Variants in IL2RA observed in about 807,000 individuals in gnomAD.
IL2RA encodes interleukin 2 receptor subunit alpha.
IL2RA carries 24 observed loss-of-function variants against 37.8 expected under a neutral mutation model. The ratio of observed to expected loss-of-function variants is 0.63; its 90% CI spans 0.46 to 0.89. The LOEUF (loss-of-function observed/expected upper bound fraction) is 0.89. Ranked by LOEUF, IL2RA falls within the 40% of genes least tolerant of loss-of-function variation. The pLI is 0.00. For missense variants in IL2RA, 319 were observed against 348.6 expected, an observed-to-expected ratio of 0.92 and a Z score of 0.68; for synonymous variants, 125 against 114.6, an observed-to-expected ratio of 1.09 and a Z score of -0.58.
rs1177642068 is a variant in IL2RA at position 6,056,878 on chromosome 10, T to C, written c.64+5210A>G. ...GGACATTGTTTGAGGGGAAAATTCC[T>C]ACACAAGCAAACAAACAGCAGAGGA... On this transcript the variant is annotated intron_variant, in intron 1 of 7. Transcript: ENST00000379959. This position sits in a 1 kb window ranked among gnomAD's most constrained non-coding sequence, Gnocchi z 5.0. Among the ~76,000 whole-genome samples the C allele has an allele frequency of 6.6e-6, 1 of 152,152 alleles. No homozygotes were observed. Among genetic ancestry groups the C allele is most frequent in the African/African-American group, 2.4e-5 (1 of 41,436 alleles).
In IL2RA at chr10:6,047,137, C is replaced by G. The variant is rs149273406; in HGVS notation, c.64+14951G>C. Among the ~76,000 whole-genome samples the G allele has an allele frequency of 6.6e-6, 1 of 152,180 alleles. No individual in the cohort carries two copies. The highest frequency in any genetic ancestry group is 1.5e-5 in the Non-Finnish European group (1 of 68,032). ...GACCCTCAAATCCCTGCATGCCCTG[C>G]GCATGCCCTAACCCTGAGGAGGTGC... On this transcript the variant is annotated intron_variant, in intron 1 of 7. Transcript: ENST00000379959. This position sits in a 1 kb window ranked among gnomAD's most constrained non-coding sequence, Gnocchi z 5.0.
chr10:6,034,270 C>T (rs1287534198), intron 1 of IL2RA, among the ~76,000 whole-genome samples: 1 of 152,188 alleles, frequency 6.6e-6, no homozygotes, highest in Non-Finnish European at 1.5e-5. Flanking sequence ...GATCTTGACA[C>T]CTCCAGGTCT....
intron 7 of IL2RA, among the ~76,000 whole-genome samples, chr10:6,016,291 C>T (rs1339563706): frequency 2.6e-5 from 4 of 152,224 alleles, no homozygotes; most frequent in Non-Finnish European, 4.4e-5. Context: ...GCCCTTGATA[C>T]ATGGGGGCCC....
chr10:6,013,464 C>T (rs1292357392), intron 7 of IL2RA, among the ~76,000 whole-genome samples: 1 of 152,164 alleles, frequency 6.6e-6, no homozygotes, highest in African/African-American at 2.4e-5. Flanking sequence ...TTATTTGGCT[C>T]ATGGGAATTT....
chr10:6,020,906 C>T lies in IL2RA; in HGVS notation c.583+572G>A, dbSNP rs1409850936. The stretch of plus-strand genomic sequence containing the variant: ...GGAAGACAGCAGGAGACCTCGACAT[C>T]GGTGGGCTGAGCATTTGCATGAGTA... On this transcript the variant is annotated intron_variant, in intron 4 of 7. Transcript: ENST00000379959. The surrounding 1 kb of genome is among the most constrained non-coding windows in gnomAD (Gnocchi z 5.6). Among the ~76,000 whole-genome samples, 8 of 150,722 alleles carry T rather than the reference C, an allele frequency of 5.3e-5. No individual in the cohort carries two copies. Among genetic ancestry groups the T allele is most frequent in the East Asian group, 2.0e-4 (1 of 5,076 alleles).
Position 6,020,103 on chromosome 10 carries a change from A to T in IL2RA, c.584-162T>A, listed in dbSNP as rs1423736172. On this transcript the variant is annotated intron_variant, in intron 4 of 7. Coordinates refer to ENST00000379959, the MANE Select transcript of IL2RA (RefSeq NM_000417.3). This position sits in a 1 kb window ranked among gnomAD's most constrained non-coding sequence, Gnocchi z 5.6. Reference sequence around the variant, plus strand: ...ATGCCACCCCTCATGGTTCCACAGCAGGGGCACTGGGAAGCGGTGAAGTGG... The same window carrying T: ...ATGCCACCCCTCATGGTTCCACAGCTGGGGCACTGGGAAGCGGTGAAGTGG... 1.3e-5 allele frequency among the ~76,000 whole-genome samples: 2 copies of T among 152,160 alleles called. No individual in the cohort carries two copies. Among genetic ancestry groups the T allele is most frequent in the Non-Finnish European group, 2.9e-5 (2 of 68,018 alleles).
At position 6,014,077 on chromosome 10, in the gene IL2RA, C is replaced by T. The variant is rs960463879; in HGVS notation, c.795-1181G>A. Among the ~76,000 whole-genome samples the T allele has an allele frequency of 3.3e-5, 5 of 152,082 alleles. No homozygotes were observed. The highest frequency in any genetic ancestry group is 1.2e-4 in the African/African-American group (5 of 41,412). ...CAAGCGAGCCTCTCACCTTAGTCTC[C>T]CGAAGTGCAGGAATTACAGGCAGGA... On this transcript the variant is annotated intron_variant, in intron 7 of 7. Transcript: ENST00000379959. The surrounding 1 kb of genome is among the most constrained non-coding windows in gnomAD (Gnocchi z 4.4).
chr10:6,017,512 G>A (rs12722590), intron 7 of IL2RA, among the ~76,000 whole-genome samples: 3,755 of 151,584 alleles, frequency 0.025, 61 homozygotes, highest in Non-Finnish European at 0.038. Flanking sequence ...CAAGCCTGGT[G>A]TATAGTGGGT....
Position 6,046,305 on chromosome 10 carries a change from C to A in IL2RA, c.64+15783G>T, listed in dbSNP as rs376917922. 6.6e-6 allele frequency among the ~76,000 whole-genome samples: 1 copy of A among 152,192 alleles called. No individual in the cohort carries two copies. Among genetic ancestry groups the A allele is most frequent in the Non-Finnish European group, 1.5e-5 (1 of 68,048 alleles). On this transcript the variant is annotated intron_variant, in intron 1 of 7. Transcript: ENST00000379959. The surrounding 1 kb of genome is among the most constrained non-coding windows in gnomAD (Gnocchi z 4.8). ...GAGCACTGATTGAGGTTCTGGGGTC[C>A]TGGCGCTTTCAGATACTACCATGAT...
At chr10:6,040,353 T>C (rs1286388167) in intron 1 of IL2RA, among the ~76,000 whole-genome samples, 1 of 152,184 alleles carries the variant, frequency 6.6e-6, no homozygotes, top group African/African-American at 2.4e-5. Context: ...ATTCGGTTGT[T>C]TCCTGTCACC....
chr10:6,045,035 A>G (rs181688414), intron 1 of IL2RA, among the ~76,000 whole-genome samples: 1 of 152,366 alleles, frequency 6.6e-6, no homozygotes, highest in East Asian at 1.9e-4. Flanking sequence ...TGCTGTCATC[A>G]AAGAAAAGTT....
chr10:6,022,225 C>T lies in IL2RA; in HGVS notation c.368-532G>A, dbSNP rs1839400087. 6.6e-6 allele frequency among the ~76,000 whole-genome samples: 1 copy of T among 152,078 alleles called. No homozygotes were observed. The highest frequency in any genetic ancestry group is 2.4e-5 in the African/African-American group (1 of 41,372). On this transcript the variant is annotated intron_variant, in intron 3 of 7. Coordinates refer to ENST00000379959, the MANE Select transcript of IL2RA (RefSeq NM_000417.3). The surrounding 1 kb of genome is among the most constrained non-coding windows in gnomAD (Gnocchi z 4.7). ...GGGATGATGTCGGAAGGATTGGGGA[C>T]AACACCAAAGCCAGGAGGAGGGACG...
In IL2RA at chr10:6,012,680, A is replaced by G; in HGVS notation, c.*192T>C. 1 of 665,994 alleles carries G rather than the reference A, an allele frequency of 1.5e-6. No individual in the cohort carries two copies. The highest frequency in any genetic ancestry group is 2.7e-6 in the Non-Finnish European group (1 of 364,340). The allele number at this position is 665,994 out of a possible 1,614,324, so 41.3% of individuals were successfully genotyped here. On this transcript the variant is annotated 3_prime_UTR_variant, in exon 8 of 8. Transcript: ENST00000379959. The surrounding 1 kb of genome is among the most constrained non-coding windows in gnomAD (Gnocchi z 4.8). ...TGGGTAGCGCTCGCTCTCTGATGGGACTGAGCTGGCATAGAGACAAGGTTG... is the reference window on the plus strand; with the variant it reads ...TGGGTAGCGCTCGCTCTCTGATGGGGCTGAGCTGGCATAGAGACAAGGTTG...
Position 6,062,240 on chromosome 10 carries a change from G to C in IL2RA, c.-89C>G, listed in dbSNP as rs74162091. ...TTGCCGTCAGCCTCTTTTTGGCATC[G>C]CGCCGGAGGATGTGGGATGGGAAGA... On this transcript the variant is annotated 5_prime_UTR_variant, in exon 1 of 8. Transcript: ENST00000379959. 3.5e-6 allele frequency: 4 copies of C among 1,128,800 alleles called. No homozygotes were observed. Among genetic ancestry groups the C allele is most frequent in the Non-Finnish European group, 2.7e-6 (2 of 744,160 alleles). 69.9% of individuals were successfully genotyped at this position (1,128,800 alleles called of 1,614,324 possible). A position where few individuals can be genotyped will look rare whatever the true frequency, so the allele number is the denominator to read the frequency against.
rs535827454 is a variant in IL2RA, at chr10:6,044,483, C to T, written c.64+17605G>A. 7.9e-5 allele frequency among the ~76,000 whole-genome samples: 12 copies of T among 152,232 alleles called. No individual in the cohort carries two copies. The highest frequency in any genetic ancestry group is 1.9e-4 in the East Asian group (1 of 5,186). ...AAGGGGTAGTAACTTTTGGGTCATCCGGTCACTGCTATGGAAAGGAGCAGG... is the reference window on the plus strand; with the variant it reads ...AAGGGGTAGTAACTTTTGGGTCATCTGGTCACTGCTATGGAAAGGAGCAGG... On this transcript the variant is annotated intron_variant, in intron 1 of 7. Transcript: ENST00000379959. The surrounding 1 kb of genome is among the most constrained non-coding windows in gnomAD (Gnocchi z 4.5).
At chr10:6,027,582 G>C (rs1407464660) in intron 1 of IL2RA, among the ~76,000 whole-genome samples, 1 of 152,174 alleles carries the variant, frequency 6.6e-6, no homozygotes, top group Non-Finnish European at 1.5e-5. Flanking sequence ...ACTTCTCTAA[G>C]GCTCAGCTTC....
In IL2RA at chr10:6,015,844, G is replaced by A. The variant is rs1253581053; in HGVS notation, c.794+2209C>T. ...GGCTTTAAAACGTACGACTATCCCA[G>A]ACATAAAAGGCCACGTGATTCCATT... On this transcript the variant is annotated intron_variant, in intron 7 of 7. Transcript: ENST00000379959. The surrounding 1 kb of genome is among the most constrained non-coding windows in gnomAD (Gnocchi z 4.9). Among the ~76,000 whole-genome samples the A allele has an allele frequency of 6.6e-6, 1 of 152,092 alleles. No individual in the cohort carries two copies. Among genetic ancestry groups the A allele is most frequent in the Non-Finnish European group, 1.5e-5 (1 of 68,012 alleles).
At position 6,015,173 on chromosome 10, in the gene IL2RA, G is replaced by A. The variant is rs1343696880; in HGVS notation, c.795-2277C>T. On this transcript the variant is annotated intron_variant, in intron 7 of 7. Transcript: ENST00000379959. The surrounding 1 kb of genome is among the most constrained non-coding windows in gnomAD (Gnocchi z 4.9). ...AGTGGTACGATCTCAGCTCACTGCA[G>A]CCTCTGCCTCCTGGGTTCAAGCGAT... Among the ~76,000 whole-genome samples, 3 of 151,328 alleles carry A rather than the reference G, an allele frequency of 2.0e-5. No individual in the cohort carries two copies. Among genetic ancestry groups the A allele is most frequent in the Middle Eastern group, 6.8e-3 (2 of 294 alleles).
Position 6,044,251 on chromosome 10 carries a change from G to C in IL2RA, c.64+17837C>G, listed in dbSNP as rs1839815868. ...TGGCTTTGCCCAGGAAGGAATTCAG[G>C]GGCAAGCCAGTGGTAGAATAAAAGA... On this transcript the variant is annotated intron_variant, in intron 1 of 7. Coordinates refer to ENST00000379959, the MANE Select transcript of IL2RA (RefSeq NM_000417.3). This position sits in a 1 kb window ranked among gnomAD's most constrained non-coding sequence, Gnocchi z 4.5. 6.6e-6 allele frequency among the ~76,000 whole-genome samples: 1 copy of C among 152,234 alleles called. No homozygotes were observed. The highest frequency in any genetic ancestry group is 1.5e-5 in the Non-Finnish European group (1 of 68,044).
Sources: gnomAD v4.1 joint callset for allele counts (sites outside exome capture counted in the v4.1 genomes callset) on GRCh38, gnomAD v4.1.1 for gene constraint, Gnocchi (gnomAD v3.1) non-coding constraint, MANE v1.5 for transcripts, NCBI Gene and HGNC (gene_info 2026-07-23, HGNC 2026-07-21) for gene names.